The following MCTP1 variants were observed in gnomAD, a reference collection of about 807,000 sequenced individuals.
MCTP1 encodes the protein multiple C2 and transmembrane domain containing 1, also known as multiple C2 and transmembrane domain-containing protein 1.
A neutral mutation model predicts 120.6 loss-of-function variants in MCTP1; 69 were observed. The ratio of observed to expected loss-of-function variants is 0.57; its 90% CI spans 0.47 to 0.70. The LOEUF (loss-of-function observed/expected upper bound fraction) is 0.70, where lower values mean the gene tolerates loss of function less well. Among genes scored for constraint, MCTP1 ranks in the 30% least tolerant of loss-of-function variants. The pLI is 0.00. For synonymous variants in MCTP1, 529 were observed against 493.1 expected, an observed-to-expected ratio of 1.07 and a Z score of -0.96; for missense variants, 1,203 against 1,248.8, an observed-to-expected ratio of 0.96 and a Z score of 0.55.
intron 1 of MCTP1, among the ~76,000 whole-genome samples, chr5:95,247,746 G>A (rs1036482212): frequency 6.6e-6 from 1 of 152,204 alleles, no homozygotes; most frequent in South Asian, 2.1e-4. Flanking sequence ...TTGCACTGTG[G>A]TGTGAGAGAC....
At chr5:95,028,766 C>T (rs1257393715) in intron 1 of MCTP1, among the ~76,000 whole-genome samples, 2 of 152,160 alleles carry the variant, frequency 1.3e-5, no homozygotes, top group Admixed American at 1.3e-4. Flanking sequence ...GGTGAGATAG[C>T]AATTATTTAA....
intron 1 of MCTP1, among the ~76,000 whole-genome samples, chr5:95,106,835 C>A (rs1217837625): frequency 6.6e-6 from 1 of 152,078 alleles, no homozygotes; most frequent in Non-Finnish European, 1.5e-5. Flanking sequence ...CCAGAACAGT[C>A]ATTTTAAAGG....
At chr5:95,066,584 A>G (rs1562102639) in intron 1 of MCTP1, among the ~76,000 whole-genome samples, 1 of 152,216 alleles carries the variant, frequency 6.6e-6, no homozygotes, top group African/African-American at 2.4e-5. Context: ...ACATGAAATC[A>G]ACCTAAGTGT....
At chr5:95,206,780 C>G (rs1751670991) in intron 1 of MCTP1, among the ~76,000 whole-genome samples, 1 of 152,146 alleles carries the variant, frequency 6.6e-6, no homozygotes. Context: ...TCGTGATCCA[C>G]CCCCCTCGGC....
In MCTP1 at chr5:94,895,492, T is replaced by G. The variant is rs564740385; in HGVS notation, c.1653-657A>C. 4.6e-5 allele frequency among the ~76,000 whole-genome samples: 7 copies of G among 152,286 alleles called. No homozygotes were observed. The East Asian group carries it at 1.4e-3, about 29-fold the overall frequency. On this transcript the variant is annotated intron_variant, in intron 10 of 22. Transcript: ENST00000515393. Reference sequence around the variant, plus strand: ...TCAGAGCTAATACCCTGAAAACGCTTTTCATAAAAATGTCAGTTGATTTTG... The same window carrying G: ...TCAGAGCTAATACCCTGAAAACGCTGTTCATAAAAATGTCAGTTGATTTTG...
chr5:95,183,534 C>T lies in MCTP1; in HGVS notation c.720+100322G>A, dbSNP rs115264597. Among the ~76,000 whole-genome samples the T allele has an allele frequency of 4.8e-3, 731 of 151,838 alleles. 7 individuals are homozygous for T. Among genetic ancestry groups the T allele is most frequent in the African/African-American group, 0.015 (639 of 41,438 alleles). On this transcript the variant is annotated intron_variant, in intron 1 of 22. Transcript: ENST00000515393. ...GATATCAAGAAAATGCAAAGGAAAGCCAGAAATTTGGAGCATGAATTTGAA... is the reference window on the plus strand; with the variant it reads ...GATATCAAGAAAATGCAAAGGAAAGTCAGAAATTTGGAGCATGAATTTGAA...
chr5:95,017,123 T>C (rs932355448), intron 2 of MCTP1, among the ~76,000 whole-genome samples: 11 of 152,116 alleles, frequency 7.2e-5, no homozygotes, highest in South Asian at 6.2e-4. Context: ...GTCTAATTTG[T>C]CAGCAGTTTG....
At chr5:95,095,495 C>T (rs1010254989) in intron 1 of MCTP1, among the ~76,000 whole-genome samples, 1 of 152,170 alleles carries the variant, frequency 6.6e-6, no homozygotes, top group African/African-American at 2.4e-5. Flanking sequence ...AACAGAGCAG[C>T]AGGGTCAGAA....
chr5:95,151,808 T>G (rs1760919938), intron 1 of MCTP1, among the ~76,000 whole-genome samples: 1 of 152,192 alleles, frequency 6.6e-6, no homozygotes, highest in Admixed American at 6.5e-5. Context: ...TGGCATTTCC[T>G]CTCTGCTTCA....
rs573815753 is a variant in MCTP1 at position 94,833,212 on chromosome 5, G to T, written c.2437-34080C>A. ...AATAAGTTTTGTGTGCTTTTTTTTTGGCATTATGTTTTATTTTAATTGTAT... is the reference window on the plus strand; with the variant it reads ...AATAAGTTTTGTGTGCTTTTTTTTTTGCATTATGTTTTATTTTAATTGTAT... On this transcript the variant is annotated intron_variant, in intron 17 of 22. Coordinates refer to ENST00000515393, the MANE Select transcript of MCTP1 (RefSeq NM_024717.7). Among the ~76,000 whole-genome samples, 20 of 150,482 alleles carry T rather than the reference G, an allele frequency of 1.3e-4. No individual in the cohort carries two copies. In the East Asian group the frequency reaches 3.5e-3, roughly 26 times the overall value.
At chr5:95,210,931 T>C (rs933303912) in intron 1 of MCTP1, among the ~76,000 whole-genome samples, 1 of 152,154 alleles carries the variant, frequency 6.6e-6, no homozygotes, top group Non-Finnish European at 1.5e-5. Context: ...CCTTCACTTA[T>C]GAAGCTTAGT....
At chr5:94,732,446 TA>T (rs1763303170) in intron 19 of MCTP1, among the ~76,000 whole-genome samples, 1 of 152,162 alleles carries the variant, frequency 6.6e-6, no homozygotes, top group South Asian at 2.1e-4. Context: ...CCCCTGATTC[TA>T]AAGGTTTGTG....
intron 9 of MCTP1, among the ~76,000 whole-genome samples, chr5:94,910,490 A>G (rs1020186493): frequency 1.3e-5 from 2 of 152,100 alleles, no homozygotes; most frequent in Non-Finnish European, 2.9e-5. Context: ...TTTTTAATGT[A>G]TGGCAGACAG....
chr5:94,896,191 A>T (rs1159201385), intron 10 of MCTP1, among the ~76,000 whole-genome samples: 1 of 152,214 alleles, frequency 6.6e-6, no homozygotes, highest in Non-Finnish European at 1.5e-5. Flanking sequence ...AAATTTTCAC[A>T]GTGGAAAACA....
chr5:94,992,148 C>T (rs378228), intron 2 of MCTP1, among the ~76,000 whole-genome samples: 112,338 of 152,054 alleles, frequency 0.74, 41,781 homozygotes, highest in Admixed American at 0.82. Context: ...ACTACAATGC[C>T]GCGTGCCAGA....
chr5:95,194,768 G>A (rs934259745), intron 1 of MCTP1, among the ~76,000 whole-genome samples: 1 of 152,132 alleles, frequency 6.6e-6, no homozygotes, highest in African/African-American at 2.4e-5. Context: ...CTTCAAATGT[G>A]GGCTGAGGAC....
At chr5:94,740,211 A>T (rs1457890053) in intron 19 of MCTP1, among the ~76,000 whole-genome samples, 1 of 152,212 alleles carries the variant, frequency 6.6e-6, no homozygotes, top group African/African-American at 2.4e-5. Context: ...AAGATTTTGA[A>T]TTTGTGTCTC....
At chr5:95,157,565 C>T (rs80222670) in intron 1 of MCTP1, among the ~76,000 whole-genome samples, 3,468 of 152,124 alleles carry the variant, frequency 0.023, 62 homozygotes, top group African/African-American at 0.049. Context: ...AGGCTAAAGA[C>T]GAAGGCAAGA....
intron 11 of MCTP1, among the ~76,000 whole-genome samples, chr5:94,890,913 A>T (rs1802437396): frequency 1.3e-5 from 2 of 152,204 alleles, no homozygotes; most frequent in African/African-American, 4.8e-5. Context: ...AATTTATAAA[A>T]TGTTTCATAA....
Sources: allele counts gnomAD v4.1 joint callset (sites outside exome capture counted in the v4.1 genomes callset), GRCh38; gene constraint gnomAD v4.1.1; transcripts MANE v1.5; gene names NCBI Gene and HGNC (gene_info 2026-07-23, HGNC 2026-07-21).